KCNIP1: variants seen among roughly 807,000 people sequenced by gnomAD.
KCNIP1 encodes the protein A-type potassium channel modulatory protein KCNIP1.
In KCNIP1, 18 loss-of-function variants were observed where a neutral mutation model predicts 33.0. That is an observed-to-expected ratio of 0.55 (90% CI 0.38 to 0.81). The LOEUF is 0.81. KCNIP1 is among the 30% of genes least tolerant of loss of function. KCNIP1 has a pLI of 0.00. For synonymous variants in KCNIP1, 93 were observed against 98.3 expected, an observed-to-expected ratio of 0.95 and a Z score of 0.32; for missense variants, 238 against 271.6, an observed-to-expected ratio of 0.88 and a Z score of 0.87.
chr5:170,355,712 T>C (rs754872188), intron 1 of KCNIP1, among the ~76,000 whole-genome samples: 4 of 152,190 alleles, frequency 2.6e-5, no homozygotes, highest in Non-Finnish European at 4.4e-5. Flanking sequence ...CATCAGAGTG[T>C]TGGCCTCTGC....
chr5:170,639,723 C>T (rs929645064), intron 1 of KCNIP1, among the ~76,000 whole-genome samples: 2 of 152,218 alleles, frequency 1.3e-5, no homozygotes, highest in African/African-American at 4.8e-5. Context: ...GCCCCCATCA[C>T]TTTGTAATTG....
intron 1 of KCNIP1, among the ~76,000 whole-genome samples, chr5:170,612,473 G>C (rs1337009060): frequency 6.6e-6 from 1 of 152,220 alleles, no homozygotes; most frequent in Non-Finnish European, 1.5e-5. Context: ...AGGATCCAGA[G>C]CCTATGGCTG....
chr5:170,366,239 C>G (rs907834783), intron 1 of KCNIP1, among the ~76,000 whole-genome samples: 6 of 152,196 alleles, frequency 3.9e-5, no homozygotes, highest in Non-Finnish European at 7.3e-5. Flanking sequence ...CCACACTCTC[C>G]TACGGATGAA....
rs753274000 is a variant in KCNIP1, at chr5:170,587,084, C to T, written c.61+82451C>T. Among the ~76,000 whole-genome samples the T allele has an allele frequency of 1.3e-3, 200 of 152,242 alleles. 4 individuals are homozygous for T. Among genetic ancestry groups the T allele is most frequent in the Non-Finnish European group, 3.5e-4 (24 of 68,024 alleles). On this transcript the variant is annotated intron_variant, in intron 1 of 7. Coordinates refer to ENST00000328939, the MANE Select transcript of KCNIP1 (RefSeq NM_014592.4). ...GGACCGGGCAGGGTGTATGAGTTTC[C>T]TGTTGCTGCTGTAACAAATTATCAC...
chr5:170,483,258 G>A, intron 1 of KCNIP1: 1 of 276,006 alleles, frequency 3.6e-6, no homozygotes, highest in South Asian at 3.4e-5. Context: ...CCAGGCTGGG[G>A]ACCTTTGGAC....
At chr5:170,671,164 T>C (rs1354143120) in intron 1 of KCNIP1, among the ~76,000 whole-genome samples, 2 of 152,232 alleles carry the variant, frequency 1.3e-5, no homozygotes, top group Non-Finnish European at 2.9e-5. Context: ...CAAAATGTTG[T>C]TCCTTTTCTT....
chr5:170,387,272 T>C (rs1764514059), intron 1 of KCNIP1, among the ~76,000 whole-genome samples: 1 of 152,104 alleles, frequency 6.6e-6, no homozygotes, highest in Admixed American at 6.5e-5. Flanking sequence ...CATATTATGG[T>C]TTTTGTTTGT....
chr5:170,511,664 T>C (rs963010368), intron 1 of KCNIP1, among the ~76,000 whole-genome samples: 4 of 152,218 alleles, frequency 2.6e-5, no homozygotes, highest in Non-Finnish European at 4.4e-5. Flanking sequence ...CTCTTTCCTG[T>C]GTTATTTTAT....
At chr5:170,411,420 C>T (rs1348382859) in intron 1 of KCNIP1, among the ~76,000 whole-genome samples, 1 of 152,164 alleles carries the variant, frequency 6.6e-6, no homozygotes, top group Non-Finnish European at 1.5e-5. Flanking sequence ...AATGTTCTGA[C>T]AGAGGACAGG....
chr5:170,506,418 G>C (rs544605707), intron 1 of KCNIP1, among the ~76,000 whole-genome samples: 4 of 152,232 alleles, frequency 2.6e-5, no homozygotes, highest in Non-Finnish European at 5.9e-5. Context: ...CCCAGAGGAA[G>C]TTGTTGTAAG....
rs544009292 is a variant in KCNIP1, at chr5:170,455,739, G to C, written c.88+101775G>C. ...CAAAATAAATGAGAAAATACTTTGA[G>C]ATGAATGAAAATTAAGACACAACAT... On this transcript the variant is annotated intron_variant, in intron 1 of 7. Transcript: ENST00000377360. Among the ~76,000 whole-genome samples, 21 of 152,314 alleles carry C rather than the reference G, an allele frequency of 1.4e-4. No individual in the cohort carries two copies. The South Asian group carries it at 4.4e-3, about 32-fold the overall frequency.
intron 1 of KCNIP1, among the ~76,000 whole-genome samples, chr5:170,464,923 G>A (rs905645742): frequency 5.3e-5 from 8 of 152,184 alleles, no homozygotes; most frequent in African/African-American, 1.9e-4. Context: ...TGCCCTACTG[G>A]CTTGAGTGTG....
intron 1 of KCNIP1, among the ~76,000 whole-genome samples, chr5:170,363,135 T>C (rs1425253132): frequency 1.3e-5 from 2 of 152,204 alleles, no homozygotes; most frequent in Non-Finnish European, 2.9e-5. Flanking sequence ...TCTCTGTGAG[T>C]TGTTTTTATT....
At chr5:170,701,984 C>T (rs1195947602) in intron 1 of KCNIP1, among the ~76,000 whole-genome samples, 8 of 152,186 alleles carry the variant, frequency 5.3e-5, no homozygotes, top group East Asian at 3.9e-4. Context: ...CCTAAAACAG[C>T]GCCTCCCGAA....
intron 1 of KCNIP1, among the ~76,000 whole-genome samples, chr5:170,628,436 A>G (rs1184203479): frequency 1.3e-5 from 2 of 152,148 alleles, no homozygotes; most frequent in Non-Finnish European, 2.9e-5. Context: ...TCACATAACA[A>G]TAAGTGTTAA....
At chr5:170,606,370 G>A (rs1758919515) in intron 1 of KCNIP1, among the ~76,000 whole-genome samples, 1 of 152,188 alleles carries the variant, frequency 6.6e-6, no homozygotes, top group South Asian at 2.1e-4. Context: ...CAAGCAAGGT[G>A]CAAGGGTATC....
At chr5:170,507,944 G>C (rs191159666) in intron 1 of KCNIP1, among the ~76,000 whole-genome samples, 1 of 152,268 alleles carries the variant, frequency 6.6e-6, no homozygotes, top group Non-Finnish European at 1.5e-5. Context: ...TAGAATTTCT[G>C]ACTCTAGCAG....
chr5:170,640,014 A>G (rs1184704021), intron 1 of KCNIP1, among the ~76,000 whole-genome samples: 1 of 152,224 alleles, frequency 6.6e-6, no homozygotes, highest in African/African-American at 2.4e-5. Context: ...CTGCCACTTC[A>G]TGGCCCAAGT....
At chr5:170,418,153 G>C (rs1363104688) in intron 1 of KCNIP1, among the ~76,000 whole-genome samples, 1 of 152,112 alleles carries the variant, frequency 6.6e-6, no homozygotes, top group Non-Finnish European at 1.5e-5. Context: ...CTTCCCGGCT[G>C]GGCGCAGTGG....
Sources: allele counts gnomAD v4.1 joint callset (sites outside exome capture counted in the v4.1 genomes callset), GRCh38; gene constraint gnomAD v4.1.1; transcripts MANE v1.5; gene names NCBI Gene and HGNC (gene_info 2026-07-23, HGNC 2026-07-21).